HNRNPM: variants seen among roughly 807,000 people sequenced by gnomAD.
HNRNPM encodes CEA receptor.
A neutral mutation model predicts 73.1 loss-of-function variants in HNRNPM; 11 were observed. That is an observed-to-expected ratio of 0.15 (90% CI 0.09 to 0.25). HNRNPM has a LOEUF of 0.25. HNRNPM is among the 10% of genes least tolerant of loss of function. HNRNPM has a pLI of 1.00. For synonymous variants in HNRNPM, 407 were observed against 355.2 expected (o/e 1.15, Z -1.64); for missense variants, 789 against 1,067.9 (o/e 0.74, Z 3.64).
At position 8,470,514 on chromosome 19, in the gene HNRNPM, G is replaced by A. The variant is rs150311529; in HGVS notation, c.896-812G>A. Among the ~76,000 whole-genome samples the A allele has an allele frequency of 9.4e-3, 1,429 of 152,124 alleles. 10 individuals carry two copies. The highest frequency in any genetic ancestry group is 0.014 in the Non-Finnish European group (940 of 68,020). On this transcript the variant is annotated intron_variant, in intron 9 of 15. Transcript: ENST00000325495. Reference sequence around the variant, plus strand: ...CTAATTTTTTTTTTTTTTTAGTAGAGATGGGGTTTTGCCATGTTGGCCAGG... The same window carrying A: ...CTAATTTTTTTTTTTTTTTAGTAGAAATGGGGTTTTGCCATGTTGGCCAGG...
At chr19:8,485,213 C>A (rs1383182597) in intron 13 of HNRNPM, among the ~76,000 whole-genome samples, 1 of 151,992 alleles carries the variant, frequency 6.6e-6, no homozygotes. Flanking sequence ...CCCTGGGTGG[C>A]CCCCCGAGTG....
intron 12 of HNRNPM, among the ~76,000 whole-genome samples, chr19:8,475,790 G>C (rs1970458545): frequency 6.6e-6 from 1 of 152,160 alleles, no homozygotes; most frequent in African/African-American, 2.4e-5. Flanking sequence ...AGATTAGTCT[G>C]GGTGTGCTGG....
At chr19:8,465,303 C>A in intron 5 of HNRNPM, 21 bp from the exon 6 acceptor site, 1 of 1,584,680 alleles carries the variant, frequency 6.3e-7, no homozygotes. Context: ...TTAAACGTAA[C>A]ACCTTTTGTG....
chr19:8,479,082 T>C (rs1392256838), intron 12 of HNRNPM, among the ~76,000 whole-genome samples: 13 of 101,838 alleles, frequency 1.3e-4, no homozygotes, highest in African/African-American at 2.1e-4. Flanking sequence ...TTCTTTCTTT[T>C]TTTTTTTTTT....
At chr19:8,463,054 C>G (rs1467742529) in intron 3 of HNRNPM, among the ~76,000 whole-genome samples, 1 of 152,122 alleles carries the variant, frequency 6.6e-6, no homozygotes, top group Non-Finnish European at 1.5e-5. Flanking sequence ...CAAAATTGGC[C>G]TAGTTTAAAG....
chr19:8,471,947 C>T (rs192583019), intron 10 of HNRNPM, among the ~76,000 whole-genome samples: 2 of 152,084 alleles, frequency 1.3e-5, no homozygotes, highest in Admixed American at 6.6e-5. Context: ...CCGAGGTGGG[C>T]GGATCACAAG....
intron 5 of HNRNPM, 70 bp downstream of exon 5, chr19:8,463,756 A>G (rs1969551149): frequency 2.8e-6 from 3 of 1,068,268 alleles, no homozygotes; most frequent in East Asian, 5.0e-5. Flanking sequence ...AATTAGGGAA[A>G]GACGGTCATG....
Position 8,467,552 on chromosome 19 carries a change from C to G in HNRNPM, c.802C>G (p.Leu268Val). ...VQAISMFNGQ[L>V]LFDRPMHVKM... is the part of the protein sequence containing the mutation. ...AATACCAGCTATGTTCAATGGCCAGCTGCTATTTGATAGACCAATGCACGT... is the reference window on the plus strand; with the variant it reads ...AATACCAGCTATGTTCAATGGCCAGGTGCTATTTGATAGACCAATGCACGT... Residue 268 changes from leucine (L) to valine (V), a missense_variant, in exon 8 of 16, where the codon CTG (leucine) becomes GTG (valine). Coordinates refer to ENST00000325495, the MANE Select transcript of HNRNPM (RefSeq NM_005968.5). 6.2e-7 allele frequency: 1 copy of G among 1,612,504 alleles called. No individual in the cohort carries two copies.
At chr19:8,486,943 TG>T (rs1400833873) in intron 14 of HNRNPM, 80 bp from the exon 15 acceptor site, 2 of 1,068,848 alleles carry the variant, frequency 1.9e-6, no homozygotes, top group African/African-American at 3.1e-5. Flanking sequence ...AAATCTAGCA[TG>T]GCCCTCAGAG....
intron 15 of HNRNPM, chr19:8,488,058 CA>C (rs33938347): frequency 0.98 from 149,566 of 152,470 alleles, 73,415 homozygotes; most frequent in East Asian, 1. Context: ...TCGTGTGAGC[CA>C]ATTACTGGCA....
chr19:8,471,410 G>A lies in HNRNPM; in HGVS notation c.980G>A (p.Gly327Glu). The A allele has an allele frequency of 6.2e-7, 1 of 1,602,992 alleles. No individual in the cohort carries two copies. The highest frequency in any genetic ancestry group is 8.5e-7 in the Non-Finnish European group (1 of 1,174,090). Reference sequence around the variant, plus strand: ...CACCTGAATAAAGGCATCGGAATGGGAAACATAGGTCCCGCAGGTGAGAAT... The same window carrying A: ...CACCTGAATAAAGGCATCGGAATGGAAAACATAGGTCCCGCAGGTGAGAAT... ...ANHLNKGIGM[G>E]NIGPAGMGME... The change falls in exon 10 of 16, where the codon GGA becomes GAA. Residue 327 changes from glycine (G) to glutamate (E), a missense_variant. Transcript: ENST00000325495.
At chr19:8,464,790 A>G (rs1016562460) in intron 5 of HNRNPM, among the ~76,000 whole-genome samples, 56 of 152,150 alleles carry the variant, frequency 3.7e-4, no homozygotes, top group Non-Finnish European at 8.8e-5. Context: ...GTTGAAGAAG[A>G]GAGTCAGTAC....
At chr19:8,457,777 G>A (rs907536500) in intron 2 of HNRNPM, among the ~76,000 whole-genome samples, 1 of 152,134 alleles carries the variant, frequency 6.6e-6, no homozygotes, top group African/African-American at 2.4e-5. Flanking sequence ...ATGTTTAAGT[G>A]GTTAGTTTAA....
rs143355290 is a variant in HNRNPM at position 8,488,695 on chromosome 19, C to T, written c.2034C>T (p.His678=). 1.0e-4 allele frequency: 164 copies of T among 1,613,030 alleles called. No individual in the cohort carries two copies. The East Asian group carries it at 1.6e-3, about 15-fold the overall frequency. Residue 678 remains histidine (H), a synonymous_variant, in exon 16 of 16, where the codon CAC becomes CAT. Transcript: ENST00000325495. The part of the protein sequence containing the change: ...MLKDKFNECG[H]VLYADIKMEN... ...CTTCTTCCCTCCCTGTCCTAGGCCA[C>T]GTGCTGTACGCCGACATCAAGATGG... is the stretch of plus-strand genomic sequence containing the variant.
intron 2 of HNRNPM, among the ~76,000 whole-genome samples, chr19:8,457,755 G>C (rs1188717534): frequency 6.6e-6 from 1 of 151,962 alleles, no homozygotes; most frequent in East Asian, 1.9e-4. Flanking sequence ...TTCCCGTTTT[G>C]GTGTACAAAA....
intron 11 of HNRNPM, 105 bp from the exon 12 acceptor site, chr19:8,474,062 C>T (rs947072949): frequency 3.7e-6 from 3 of 818,740 alleles, no homozygotes; most frequent in Non-Finnish European, 5.7e-6. Context: ...TTGGTAAGTT[C>T]TTGGCAGAAG....
chr19:8,485,219 G>A (rs773831947), intron 13 of HNRNPM, among the ~76,000 whole-genome samples: 3 of 152,138 alleles, frequency 2.0e-5, no homozygotes, highest in Admixed American at 6.5e-5. Context: ...GTGGCCCCCC[G>A]AGTGGGGGGT....
Position 8,485,924 on chromosome 19 carries a change from C to T in HNRNPM, c.1496C>T (p.Ala499Val). The stretch of plus-strand genomic sequence containing the variant: ...GGCTTCGGCCTTGAGCGCATGGCCG[C>T]TCCCATCGACCGTGTGGGCCAGACC... Reference protein sequence around the residue: ...GMGFGLERMAAPIDRVGQTIE... With the variant: ...GMGFGLERMAVPIDRVGQTIE... Residue 499 changes from alanine (A) to valine (V), a missense_variant, in exon 14 of 16, where the codon GCT (alanine) becomes GTT (valine). Around this residue, in one of 4 missense-constraint regions of HNRNPM, gnomAD observed 604 missense variants for 744.0 expected, o/e 0.81. Transcript: ENST00000325495. 1.2e-6 allele frequency: 2 copies of T among 1,604,852 alleles called. No individual in the cohort carries two copies. The highest frequency in any genetic ancestry group is 1.7e-6 in the Non-Finnish European group (2 of 1,179,340).
chr19:8,462,508 C>T lies in HNRNPM; in HGVS notation c.284-21C>T, dbSNP rs1294930349. ...GGCTTTTCTCCCTTGGTTTATGTGT[C>T]GTCTGGAAACTGATTTGTAGTTGGT... is the stretch of plus-strand genomic sequence containing the variant. On this transcript the variant is annotated intron_variant, in intron 2 of 15. Coordinates refer to ENST00000325495, the MANE Select transcript of HNRNPM (RefSeq NM_005968.5). The surrounding 1 kb of genome is among the most constrained non-coding windows in gnomAD (Gnocchi z 4.5). 1.9e-6 allele frequency: 3 copies of T among 1,609,360 alleles called. No individual in the cohort carries two copies. The highest frequency in any genetic ancestry group is 2.2e-5 in the South Asian group (2 of 90,946).
Sources: gnomAD v4.1 joint callset for allele counts (sites outside exome capture counted in the v4.1 genomes callset) on GRCh38, gnomAD v4.1.1 for gene constraint, gnomAD v4.1.1 regional missense constraint, Gnocchi (gnomAD v3.1) non-coding constraint, MANE v1.5 for transcripts, NCBI Gene and HGNC (gene_info 2026-07-23, HGNC 2026-07-21) for gene names.